Variants in NSMCE1 observed in about 807,000 individuals in gnomAD.
NSMCE1 encodes non-structural maintenance of chromosomes element 1 homolog.
Under a neutral mutation model 29.6 loss-of-function variants are expected in NSMCE1, and 18 were observed. The observed-to-expected ratio is 0.61, with a 90% CI of 0.42 to 0.90. The LOEUF (loss-of-function observed/expected upper bound fraction) is 0.90, where lower values mean the gene tolerates loss of function less well. Among genes scored for constraint, NSMCE1 ranks in the 40% least tolerant of loss-of-function variants. The pLI is 0.00. For synonymous variants in NSMCE1, 124 were observed against 133.4 expected, an observed-to-expected ratio of 0.93 and a Z score of 0.49; for missense variants, 314 against 343.6, an observed-to-expected ratio of 0.91 and a Z score of 0.68.
At chr16:27,233,181 T>G in intron 4 of NSMCE1, 34 bp from the exon 5 acceptor site, 1 of 1,590,396 alleles carries the variant, frequency 6.3e-7, no homozygotes, top group Non-Finnish European at 8.6e-7. Context: ...GCTCATCTAT[T>G]AAAATGGCAA....
At chr16:27,257,920 G>A (rs116766391) in intron 1 of NSMCE1, among the ~76,000 whole-genome samples, 2,699 of 152,254 alleles carry the variant, frequency 0.018, 35 homozygotes, top group African/African-American at 0.033. Flanking sequence ...GAACTGCTAC[G>A]AAGATTAGAT....
chr16:27,227,030 C>A (rs568666120), intron 5 of NSMCE1, among the ~76,000 whole-genome samples, 194 bp from the exon 6 acceptor site: 13 of 152,256 alleles, frequency 8.5e-5, no homozygotes, highest in Admixed American at 2.6e-4. Flanking sequence ...GAGGCAAAGA[C>A]CCTAAAGACA....
At chr16:27,248,434 CAG>C (rs2083982372) in intron 2 of NSMCE1, among the ~76,000 whole-genome samples, 1 of 104,894 alleles carries the variant, frequency 9.5e-6, no homozygotes, top group Non-Finnish European at 1.8e-5. Context: ...TTTTTTGAGA[CAG>C]AGTGTTGCTC....
chr16:27,245,836 T>C (rs1335154647), intron 2 of NSMCE1, among the ~76,000 whole-genome samples: 3 of 152,212 alleles, frequency 2.0e-5, no homozygotes, highest in East Asian at 3.8e-4. Context: ...CTGTTCATCA[T>C]TGCCAAAGGG....
chr16:27,268,136 AC>A (rs2084248316), intron 1 of NSMCE1: 1 of 152,108 alleles, frequency 6.6e-6, no homozygotes, highest in South Asian at 2.1e-4. Context: ...TGAGGGTGAA[AC>A]CTAACATAGA....
Position 27,248,701 on chromosome 16 carries a change from G to A in NSMCE1, c.136+8734C>T, listed in dbSNP as rs549352711. ...TGGGATTACAGGTGTGAGCCACCAT[G>A]CCTGGCCTGCATTTTTTAAATGTCT... On this transcript the variant is annotated intron_variant, in intron 2 of 7. Transcript: ENST00000361439. Among the ~76,000 whole-genome samples, 6 of 152,210 alleles carry A rather than the reference G, an allele frequency of 3.9e-5. No individual in the cohort carries two copies. The South Asian group carries it at 1.2e-3, about 32-fold the overall frequency.
At chr16:27,255,816 T>C (rs552272215) in intron 2 of NSMCE1, among the ~76,000 whole-genome samples, 9 of 152,378 alleles carry the variant, frequency 5.9e-5, no homozygotes, top group Non-Finnish European at 8.8e-5. Context: ...CTGCAGAAAC[T>C]GCAGTGCTCC....
intron 2 of NSMCE1, among the ~76,000 whole-genome samples, chr16:27,247,481 G>A (rs1037627221): frequency 1.3e-5 from 2 of 152,050 alleles, no homozygotes; most frequent in South Asian, 2.1e-4. Context: ...TTAGCAGCGC[G>A]AGAACGGACT....
At chr16:27,251,165 T>TATAA (rs1555477372) in intron 2 of NSMCE1, among the ~76,000 whole-genome samples, 39 of 63,090 alleles carry the variant, frequency 6.2e-4, no homozygotes, top group Non-Finnish European at 8.6e-4. Context: ...TTAAAATATA[T>TATAA]ATATATATAT....
At chr16:27,251,518 C>A (rs929508736) in intron 2 of NSMCE1, among the ~76,000 whole-genome samples, 1 of 152,018 alleles carries the variant, frequency 6.6e-6, no homozygotes, top group Admixed American at 6.6e-5. Flanking sequence ...TTAGATTTGC[C>A]ACAGTTGGGT....
At chr16:27,252,724 G>T (rs1373010467) in intron 2 of NSMCE1, among the ~76,000 whole-genome samples, 1 of 152,130 alleles carries the variant, frequency 6.6e-6, no homozygotes, top group African/African-American at 2.4e-5. Flanking sequence ...TTCGAGACCA[G>T]CCTGGCCAAC....
chr16:27,259,756 A>G (rs2084134391), intron 1 of NSMCE1, among the ~76,000 whole-genome samples: 1 of 152,178 alleles, frequency 6.6e-6, no homozygotes, highest in African/African-American at 2.4e-5. Flanking sequence ...TCCTAATAAA[A>G]CCACACAATA....
In NSMCE1 at chr16:27,235,104, A is replaced by C. The variant is rs965911174; in HGVS notation, c.258+74T>G. The C allele has an allele frequency of 1.8e-5, 27 of 1,496,326 alleles. No individual in the cohort carries two copies. In the Admixed American group the frequency reaches 4.4e-4, roughly 24 times the overall value. The allele number at this position is 1,496,326 out of a possible 1,614,324, so 92.7% of individuals were successfully genotyped here. A position where few individuals can be genotyped will look rare whatever the true frequency, so the allele number is the denominator to read the frequency against. Reference sequence around the variant, plus strand: ...ACTGTCCAAAAGAGAAATCAAACCAAAGCAAACACAGGCTGCCTGGGCCCT... The same window carrying C: ...ACTGTCCAAAAGAGAAATCAAACCACAGCAAACACAGGCTGCCTGGGCCCT... On this transcript the variant is annotated intron_variant, in intron 3 of 7. Transcript: ENST00000361439.
Position 27,232,636 on chromosome 16 carries a change from C to CT in NSMCE1, c.483+364dup. ...CCTCTTACAAGGAACATGAGGTCAC[C>CT]TGGCTCAGGGTTCAGACCCGGGTTA... On this transcript the variant is annotated intron_variant, in intron 5 of 7. Coordinates refer to ENST00000361439, the MANE Select transcript of NSMCE1 (RefSeq NM_145080.4). This position sits in a 1 kb window ranked among gnomAD's most constrained non-coding sequence, Gnocchi z 4.5. Among the ~76,000 whole-genome samples, 1 of 152,372 alleles carries CT rather than the reference C, an allele frequency of 6.6e-6. No homozygotes were observed. The highest frequency in any genetic ancestry group is 3.4e-3 in the Middle Eastern group (1 of 294).
chr16:27,226,209 A>G (rs1031173096), intron 6 of NSMCE1: 14 of 210,320 alleles, frequency 6.7e-5, no homozygotes, highest in Non-Finnish European at 1.4e-4. Context: ...TGTCCCAGAA[A>G]CTCCGCCCAA....
intron 2 of NSMCE1, 35 bp from the exon 3 acceptor site, chr16:27,235,334 C>A: frequency 6.2e-7 from 1 of 1,605,450 alleles, no homozygotes; most frequent in Non-Finnish European, 8.5e-7. Flanking sequence ...GGGGGGTGAC[C>A]AGGGGGCCTC....
intron 7 of NSMCE1, 124 bp downstream of exon 7, chr16:27,225,599 AGCT>A: frequency 9.1e-7 from 1 of 1,100,600 alleles, no homozygotes; most frequent in Non-Finnish European, 1.3e-6. Context: ...CTAGGATTCA[AGCT>A]GCTAACACGG....
Position 27,233,150 on chromosome 16 carries a change from G to A in NSMCE1, c.337-3C>T. 1.9e-6 allele frequency: 3 copies of A among 1,610,132 alleles called. No homozygotes were observed. Among genetic ancestry groups the A allele is most frequent in the Non-Finnish European group, 2.5e-6 (3 of 1,178,768 alleles). On this transcript the variant is annotated splice_polypyrimidine_tract_variant and splice_region_variant and intron_variant, in intron 4 of 7. Coordinates refer to ENST00000361439, the MANE Select transcript of NSMCE1 (RefSeq NM_145080.4). ...TCTGAGTCAATAATCAGTTCCAGCT[G>A]GAAGAAAGAGCAGGTATCATGCTCA...
chr16:27,226,708 C>A lies in NSMCE1; in HGVS notation c.600+12G>T. The A allele has an allele frequency of 6.3e-7, 1 of 1,575,688 alleles. No homozygotes were observed. Among genetic ancestry groups the A allele is most frequent in the Non-Finnish European group, 8.7e-7 (1 of 1,145,272 alleles). ...CCCAGTGATGAGCTCCCGTGCCCTG[C>A]CCTGCGGGTACCTGGATGAGGAGGC... On this transcript the variant is annotated intron_variant, in intron 6 of 7. Transcript: ENST00000361439.
Sources: allele counts gnomAD v4.1 joint callset (sites outside exome capture counted in the v4.1 genomes callset), GRCh38; gene constraint gnomAD v4.1.1; non-coding constraint Gnocchi (gnomAD v3.1); transcripts MANE v1.5; gene names NCBI Gene and HGNC (gene_info 2026-07-23, HGNC 2026-07-21).